The following NKAIN2 variants were observed in gnomAD, a reference collection of about 807,000 sequenced individuals.
NKAIN2 encodes the protein sodium/potassium transporting ATPase interacting 2, also known as sodium/potassium-transporting ATPase subunit beta-1-interacting protein 2.
In NKAIN2, 14 loss-of-function variants were observed where a neutral mutation model predicts 32.6. That is an observed-to-expected ratio of 0.43 (90% CI 0.28 to 0.67). The LOEUF is 0.67. NKAIN2 is among the 30% of genes least tolerant of loss of function. The pLI is 0.17. For missense variants in NKAIN2, 198 were observed against 258.3 expected (o/e 0.77, Z 1.60); for synonymous variants, 80 against 87.2 (o/e 0.92, Z 0.46).
At chr6:124,771,735 A>T (rs1317362388) in intron 4 of NKAIN2, among the ~76,000 whole-genome samples, 2 of 152,174 alleles carry the variant, frequency 1.3e-5, no homozygotes, top group Non-Finnish European at 2.9e-5. Flanking sequence ...GAAATTAATG[A>T]AATCTGAATC....
chr6:124,170,054 G>A (rs976763411), intron 1 of NKAIN2, among the ~76,000 whole-genome samples: 3 of 152,102 alleles, frequency 2.0e-5, no homozygotes, highest in Admixed American at 1.3e-4. Context: ...GAAGAATGGG[G>A]ATGCAAACCA....
intron 1 of NKAIN2, among the ~76,000 whole-genome samples, chr6:123,902,375 A>G (rs1774638670): frequency 6.6e-6 from 1 of 152,160 alleles, no homozygotes; most frequent in African/African-American, 2.4e-5. Flanking sequence ...AAAAAAGGCT[A>G]AAAAAAGTTT....
chr6:123,823,747 G>T (rs1243060765), intron 1 of NKAIN2, among the ~76,000 whole-genome samples: 5 of 152,112 alleles, frequency 3.3e-5, no homozygotes, highest in Non-Finnish European at 7.4e-5. Flanking sequence ...GGATCAGGTA[G>T]TGCATCATCA....
chr6:123,953,697 C>A (rs894297499), intron 1 of NKAIN2, among the ~76,000 whole-genome samples: 8 of 152,140 alleles, frequency 5.3e-5, no homozygotes, highest in Non-Finnish European at 7.3e-5. Flanking sequence ...GTTTGGACAC[C>A]TTTGAGTTGG....
intron 4 of NKAIN2, among the ~76,000 whole-genome samples, chr6:124,790,214 C>T (rs1335407467): frequency 5.3e-5 from 8 of 152,102 alleles, no homozygotes; most frequent in African/African-American, 1.9e-4. Context: ...TGTCTCCTAA[C>T]AGTTCTGTGC....
intron 1 of NKAIN2, among the ~76,000 whole-genome samples, chr6:124,187,559 G>A (rs928303828): frequency 4.6e-5 from 7 of 152,222 alleles, no homozygotes; most frequent in East Asian, 3.9e-4. Context: ...CAGAATTTCC[G>A]AAGGTAGGGC....
chr6:124,366,523 C>T (rs958421290), intron 3 of NKAIN2, among the ~76,000 whole-genome samples: 2 of 152,016 alleles, frequency 1.3e-5, no homozygotes, highest in African/African-American at 2.4e-5. Flanking sequence ...TGTTATACTA[C>T]CAATATACAC....
chr6:124,191,123 T>C (rs1357399673), intron 1 of NKAIN2, among the ~76,000 whole-genome samples: 1 of 152,208 alleles, frequency 6.6e-6, no homozygotes, highest in Non-Finnish European at 1.5e-5. Context: ...TACAGTATCA[T>C]ACAAAATAGT....
At chr6:124,012,327 C>T (rs1321178348) in intron 1 of NKAIN2, among the ~76,000 whole-genome samples, 4 of 142,116 alleles carry the variant, frequency 2.8e-5, no homozygotes, top group Admixed American at 7.6e-5. Context: ...TTCTTTCACT[C>T]TACATGATTT....
intron 1 of NKAIN2, among the ~76,000 whole-genome samples, chr6:124,170,880 T>G (rs1008834684): frequency 6.6e-6 from 1 of 152,208 alleles, no homozygotes; most frequent in African/African-American, 2.4e-5. Context: ...TGACAAAATT[T>G]ATCACATTTG....
intron 3 of NKAIN2, among the ~76,000 whole-genome samples, chr6:124,387,610 G>A (rs770637473): frequency 2.0e-5 from 3 of 152,044 alleles, no homozygotes; most frequent in African/African-American, 7.2e-5. Flanking sequence ...TTTGTGTATA[G>A]CTTTTGTGTT....
intron 3 of NKAIN2, among the ~76,000 whole-genome samples, chr6:124,576,010 A>T (rs492958): frequency 2.4e-4 from 36 of 152,016 alleles, no homozygotes; most frequent in Admixed American, 1.6e-3. Flanking sequence ...TGAACTGTTG[A>T]GGTAGAAATT....
chr6:123,927,060 G>T (rs1482716412), intron 1 of NKAIN2, among the ~76,000 whole-genome samples: 1 of 152,122 alleles, frequency 6.6e-6, no homozygotes, highest in East Asian at 1.9e-4. Context: ...ACACCTCTGG[G>T]GTTATAAGCT....
chr6:124,392,209 C>T (rs1320534691), intron 3 of NKAIN2, among the ~76,000 whole-genome samples: 1 of 151,910 alleles, frequency 6.6e-6, no homozygotes, highest in Non-Finnish European at 1.5e-5. Flanking sequence ...AGATCTTATT[C>T]AGGGCAGCCA....
At chr6:124,447,464 A>G (rs1216186676) in intron 3 of NKAIN2, among the ~76,000 whole-genome samples, 9 of 152,188 alleles carry the variant, frequency 5.9e-5, no homozygotes, top group East Asian at 1.9e-4. Flanking sequence ...GAGGTTGGCT[A>G]TGATGAAACT....
At chr6:124,292,386 C>G (rs540065232) in intron 2 of NKAIN2, among the ~76,000 whole-genome samples, 1 of 152,176 alleles carries the variant, frequency 6.6e-6, no homozygotes, top group Admixed American at 6.6e-5. Context: ...CTCTTTGTTG[C>G]TAATGTTTTA....
At chr6:123,821,693 G>T (rs568901927) in intron 1 of NKAIN2, among the ~76,000 whole-genome samples, 13 of 152,230 alleles carry the variant, frequency 8.5e-5, no homozygotes, top group African/African-American at 2.9e-4. Flanking sequence ...AGGGACAAGC[G>T]GGGGGCCCGA....
At chr6:124,347,241 G>A (rs1378295613) in intron 2 of NKAIN2, among the ~76,000 whole-genome samples, 6 of 152,068 alleles carry the variant, frequency 3.9e-5, no homozygotes, top group African/African-American at 1.4e-4. Context: ...TGGGTAACCC[G>A]ACCTTTCTCT....
intron 5 of NKAIN2, chr6:124,794,870 T>A (rs1779930786): frequency 2.1e-6 from 2 of 967,190 alleles, no homozygotes; most frequent in East Asian, 2.3e-4. Flanking sequence ...TGACTTCCGA[T>A]CCATAGAGTA....
Sources: gnomAD v4.1 joint callset for allele counts (sites outside exome capture counted in the v4.1 genomes callset) on GRCh38, gnomAD v4.1.1 for gene constraint, MANE v1.5 for transcripts, NCBI Gene and HGNC (gene_info 2026-07-23, HGNC 2026-07-21) for gene names.